The following PRIM2 variants were observed in gnomAD, a reference collection of about 807,000 sequenced individuals.
PRIM2 encodes DNA primase subunit 2.
A neutral mutation model predicts 67.3 loss-of-function variants in PRIM2; 39 were observed. The ratio of observed to expected loss-of-function variants is 0.58; its 90% CI spans 0.45 to 0.76. The LOEUF (loss-of-function observed/expected upper bound fraction) is 0.76, where lower values mean the gene tolerates loss of function less well. Ranked by LOEUF, PRIM2 falls within the 30% of genes least tolerant of loss-of-function variation. The pLI is 0.00. For synonymous variants in PRIM2, 143 were observed against 198.7 expected, an observed-to-expected ratio of 0.72 and a Z score of 2.36; for missense variants, 398 against 598.7, an observed-to-expected ratio of 0.66 and a Z score of 3.50.
chr6:57,567,285 TTTTTA>T (rs1251861714), intron 10 of PRIM2, among the ~76,000 whole-genome samples: 2 of 152,184 alleles, frequency 1.3e-5, no homozygotes, highest in Non-Finnish European at 2.9e-5. Flanking sequence ...ACTTAAAATT[TTTTTA>T]TTTTATGATG....
At chr6:57,567,282 A>AT (rs1481574552) in intron 10 of PRIM2, among the ~76,000 whole-genome samples, 1 of 152,060 alleles carries the variant, frequency 6.6e-6, no homozygotes, top group African/African-American at 2.4e-5. Context: ...TTGACTTAAA[A>AT]TTTTTTTATT....
chr6:57,266,432 C>A, the PRIM2 span, among the ~76,000 whole-genome samples: 1 of 152,174 alleles, frequency 6.6e-6, no homozygotes, highest in Non-Finnish European at 1.5e-5. Context: ...TCAGAGTTTT[C>A]AATTTTACCT....
intron 12 of PRIM2, among the ~76,000 whole-genome samples, chr6:57,624,044 T>A (rs1776903047): frequency 2.0e-5 from 3 of 152,194 alleles, no homozygotes; most frequent in Admixed American, 6.5e-5. Context: ...TCAGTATAAA[T>A]ATCTTTCATT....
At chr6:57,258,594 A>G in the PRIM2 span, among the ~76,000 whole-genome samples, 1 of 20,102 alleles carries the variant, frequency 5.0e-5, no homozygotes, top group East Asian at 3.4e-3. Context: ...CAACCCACCC[A>G]CCCCTCCACT....
intron 7 of PRIM2, among the ~76,000 whole-genome samples, chr6:57,506,177 C>G (rs1284482431): frequency 3.3e-5 from 5 of 149,882 alleles, no homozygotes; most frequent in African/African-American, 1.2e-4. Flanking sequence ...CTTGATTGTG[C>G]TAAAATTGTA....
chr6:57,341,306 T>C (rs1382330908), intron 5 of PRIM2, among the ~76,000 whole-genome samples: 2 of 152,216 alleles, frequency 1.3e-5, no homozygotes, highest in East Asian at 3.8e-4. Context: ...TAGAAAACAT[T>C]ATGCCTTATG....
chr6:57,523,146 T>C (rs1554349073), intron 8 of PRIM2, among the ~76,000 whole-genome samples: 2 of 152,276 alleles, frequency 1.3e-5, no homozygotes, highest in African/African-American at 4.8e-5. Context: ...ATGATGATGA[T>C]GTTTATTACA....
chr6:57,221,692 C>G, the PRIM2 span: 1 of 152,332 alleles, frequency 6.6e-6, no homozygotes, highest in South Asian at 2.1e-4. Context: ...CTCCACCCCT[C>G]TTTCCCGCCC....
At chr6:57,277,411 T>A in the PRIM2 span, among the ~76,000 whole-genome samples, 1 of 152,174 alleles carries the variant, frequency 6.6e-6, no homozygotes, top group Non-Finnish European at 1.5e-5. Context: ...ACTCTACAAA[T>A]ATATATTGAA....
At chr6:57,467,504 T>C (rs1281486310) in intron 7 of PRIM2, among the ~76,000 whole-genome samples, 5 of 152,228 alleles carry the variant, frequency 3.3e-5, no homozygotes, top group African/African-American at 1.2e-4. Flanking sequence ...TTGGTACCAA[T>C]ACCATGCTGT....
the PRIM2 span, among the ~76,000 whole-genome samples, chr6:57,234,241 T>C: frequency 1.3e-5 from 2 of 152,160 alleles, no homozygotes; most frequent in African/African-American, 4.8e-5. Flanking sequence ...GCAAAAACAA[T>C]TAAAAATAGA....
intron 10 of PRIM2, among the ~76,000 whole-genome samples, chr6:57,576,597 C>A (rs1375268761): frequency 1.3e-5 from 2 of 151,448 alleles, no homozygotes; most frequent in Non-Finnish European, 3.0e-5. Context: ...CCTTTATCGT[C>A]ATTCACAAAA....
intron 8 of PRIM2, among the ~76,000 whole-genome samples, chr6:57,507,776 C>G (rs1554347345): frequency 5.3e-5 from 8 of 151,928 alleles, no homozygotes; most frequent in African/African-American, 1.9e-4. Context: ...TTAAGGCATA[C>G]TTTTATTGAG....
At chr6:57,483,573 G>A (rs1773680298) in intron 7 of PRIM2, among the ~76,000 whole-genome samples, 1 of 152,078 alleles carries the variant, frequency 6.6e-6, no homozygotes, top group East Asian at 1.9e-4. Flanking sequence ...TCAGTAATGA[G>A]GAGTAGATGA....
the PRIM2 span, among the ~76,000 whole-genome samples, chr6:57,286,056 T>A: frequency 1.3e-5 from 2 of 152,150 alleles, no homozygotes; most frequent in Admixed American, 6.6e-5. Flanking sequence ...ACCAGGGACA[T>A]GAAGGACGTC....
intron 7 of PRIM2, among the ~76,000 whole-genome samples, chr6:57,446,360 C>T (rs866051313): frequency 6.8e-6 from 1 of 146,688 alleles, no homozygotes; most frequent in African/African-American, 2.5e-5. Flanking sequence ...AATGAATGTG[C>T]TCAGATAACT....
intron 7 of PRIM2, among the ~76,000 whole-genome samples, chr6:57,464,091 C>T (rs1476659824): frequency 2.6e-5 from 4 of 152,080 alleles, no homozygotes; most frequent in African/African-American, 9.7e-5. Flanking sequence ...CCGGGTCTTC[C>T]CTCAAAAGGG....
chr6:57,344,756 G>A, intron 5 of PRIM2, among the ~76,000 whole-genome samples: 1 of 152,274 alleles, frequency 6.6e-6, no homozygotes, highest in South Asian at 2.1e-4. Context: ...TATGCATATA[G>A]TTGTAAAAAT....
At chr6:57,362,031 A>C (rs2127313403) in intron 5 of PRIM2, among the ~76,000 whole-genome samples, 1 of 152,284 alleles carries the variant, frequency 6.6e-6, no homozygotes, top group East Asian at 1.9e-4. Context: ...ATGGAATATC[A>C]TGTGCCAACT....
Sources: allele counts gnomAD v4.1 joint callset (sites outside exome capture counted in the v4.1 genomes callset), GRCh38; gene constraint gnomAD v4.1.1; transcripts MANE v1.5; gene names NCBI Gene and HGNC (gene_info 2026-07-23, HGNC 2026-07-21).